Variants in C5 observed in about 807,000 individuals in gnomAD.
C5 encodes the protein C3 and PZP-like alpha-2-macroglobulin domain-containing protein 4.
C5 carries 140 observed loss-of-function variants against 218.8 expected under a neutral mutation model. That is an observed-to-expected ratio of 0.64 (90% CI 0.56 to 0.74). The LOEUF (loss-of-function observed/expected upper bound fraction) is 0.74, where lower values mean the gene tolerates loss of function less well. C5 is among the 30% of genes least tolerant of loss of function. The pLI, the probability that C5 is intolerant of heterozygous loss-of-function variation, is 0.00. For missense variants in C5, 1,700 were observed against 1,969.6 expected, an observed-to-expected ratio of 0.86 and a Z score of 2.59; for synonymous variants, 614 against 682.3, an observed-to-expected ratio of 0.90 and a Z score of 1.56.
chr9:121,044,231 T>C (rs1278848042), intron 2 of C5, among the ~76,000 whole-genome samples: 2 of 152,120 alleles, frequency 1.3e-5, no homozygotes, highest in Non-Finnish European at 2.9e-5. Flanking sequence ...TCCCAGCACT[T>C]TGGGAGGCCG....
In C5 at chr9:120,961,579, A is replaced by T; in HGVS notation, c.4505-14T>A. The T allele has an allele frequency of 2.6e-6, 4 of 1,538,176 alleles. No homozygotes were observed. The highest frequency in any genetic ancestry group is 3.6e-6 in the Non-Finnish European group (4 of 1,110,964). On this transcript the variant is annotated splice_polypyrimidine_tract_variant and intron_variant, in intron 36 of 40. Coordinates refer to ENST00000223642, the MANE Select transcript of C5 (RefSeq NM_001735.3). ...TACACTGTTTATCTGTGGCAACAAAAGTGTGGTTAAGAGAAGTGGTTTGAT... is the reference window on the plus strand; with the variant it reads ...TACACTGTTTATCTGTGGCAACAAATGTGTGGTTAAGAGAAGTGGTTTGAT...
chr9:120,960,368 G>A (rs367758619), intron 37 of C5, 31 bp from the exon 38 acceptor site: 41 of 1,471,852 alleles, frequency 2.8e-5, no homozygotes, highest in South Asian at 1.2e-4. Flanking sequence ...TAAAAATAAG[G>A]TTAATGGAAA....
chr9:121,050,066 C>A lies in C5; in HGVS notation c.65+116G>T, dbSNP rs369225344. 6 of 854,764 alleles carry A rather than the reference C, an allele frequency of 7.0e-6. No individual in the cohort carries two copies. The East Asian group carries it at 7.3e-5, about 10-fold the overall frequency. 52.9% of individuals were successfully genotyped at this position (854,764 alleles called of 1,614,324 possible). On this transcript the variant is annotated intron_variant, in intron 1 of 40. Coordinates refer to ENST00000223642, the MANE Select transcript of C5 (RefSeq NM_001735.3). ...TCTCATTCAGAGATGATACTATTCA[C>A]TTGCTGTTCTCAGAAGTAGCAAGTT...
At chr9:121,048,575 T>C (rs747926876) in intron 1 of C5, among the ~76,000 whole-genome samples, 1 of 152,246 alleles carries the variant, frequency 6.6e-6, no homozygotes. Context: ...GCCAAAATGG[T>C]TGGGGACTGC....
intron 10 of C5, among the ~76,000 whole-genome samples, chr9:121,022,283 T>C (rs1286081997): frequency 7.3e-6 from 1 of 136,718 alleles, no homozygotes; most frequent in Non-Finnish European, 1.6e-5. Context: ...TCCTTTAACA[T>C]CTACCTCTCA....
chr9:121,023,387 C>A lies in C5; in HGVS notation c.1116+17G>T. ...GATGATCATATGTAGCAACGTCTAC[C>A]CCCTCACCCAATCTACCTTGATGGG... On this transcript the variant is annotated intron_variant, in intron 10 of 40. Transcript: ENST00000223642. The A allele has an allele frequency of 7.1e-7, 1 of 1,410,324 alleles. No individual in the cohort carries two copies. Among genetic ancestry groups the A allele is most frequent in the Non-Finnish European group, 1.0e-6 (1 of 994,224 alleles). 87.4% of individuals were successfully genotyped at this position (1,410,324 alleles called of 1,614,324 possible).
chr9:121,033,183 A>G (rs1290931247), intron 5 of C5, among the ~76,000 whole-genome samples: 2 of 152,220 alleles, frequency 1.3e-5, no homozygotes, highest in East Asian at 3.8e-4. Flanking sequence ...CATCAATTCA[A>G]TGAATATTTA....
intron 11 of C5, 114 bp from the exon 12 acceptor site, chr9:121,020,293 ATGC>A: frequency 1.1e-6 from 1 of 879,320 alleles, no homozygotes; most frequent in African/African-American, 1.7e-5. Flanking sequence ...ACAATAACAA[ATGC>A]TAAAGGGGAA....
At position 120,982,800 on chromosome 9, in the gene C5, G is replaced by A. The variant is rs1437366179; in HGVS notation, c.3245C>T (p.Ala1082Val). 6.3e-7 allele frequency: 1 copy of A among 1,584,320 alleles called. No homozygotes were observed. The highest frequency in any genetic ancestry group is 1.3e-5 in the African/African-American group (1 of 74,354). Residue 1082 changes from alanine to valine, a missense_variant, in exon 26 of 41, where the codon GCT becomes GTT. By Grantham distance (64) the Ala-to-Val change is moderately conservative. Transcript: ENST00000223642. ...GSASTWLTAF[A>V]LRVLGQVNKY... Reference sequence around the variant, plus strand: ...ATTTACTTGTCCAAGTACTCTTAAAGCAAAAGCTGTTAACCTTTAAGACAA... The same window carrying A: ...ATTTACTTGTCCAAGTACTCTTAAAACAAAAGCTGTTAACCTTTAAGACAA...
At chr9:121,053,144 G>A (rs530404535), upstream of C5, among the ~76,000 whole-genome samples, 2 of 152,286 alleles carry the variant, frequency 1.3e-5, no homozygotes, top group African/African-American at 4.8e-5. Context: ...AGAGGCCAGT[G>A]GAGAAACAGA....
chr9:121,058,034 C>T, the C5 span, among the ~76,000 whole-genome samples: 59 of 152,166 alleles, frequency 3.9e-4, no homozygotes, highest in Non-Finnish European at 6.2e-4. Context: ...ATGTTAATCA[C>T]GTCTCAATAA....
intron 3 of C5, among the ~76,000 whole-genome samples, chr9:121,041,522 C>G (rs1369776643): frequency 6.6e-6 from 1 of 151,872 alleles, no homozygotes; most frequent in Non-Finnish European, 1.5e-5. Context: ...CCAGGCTGGT[C>G]TTAAACTCCT....
At chr9:120,994,602 AT>A (rs1266517258) in intron 22 of C5, among the ~76,000 whole-genome samples, 46 of 149,182 alleles carry the variant, frequency 3.1e-4, no homozygotes, top group African/African-American at 7.6e-4. Context: ...CAAAAAAAAA[AT>A]AATAAATATT....
intron 14 of C5, 25 bp from the exon 15 acceptor site, chr9:121,016,408 G>A (rs1438329140): frequency 1.9e-6 from 3 of 1,613,422 alleles, no homozygotes; most frequent in Non-Finnish European, 2.5e-6. Context: ...AAAATGTTGA[G>A]CACATTGAGA....
intron 29 of C5, among the ~76,000 whole-genome samples, chr9:120,975,545 G>C (rs2131688846): frequency 6.6e-6 from 1 of 152,220 alleles, no homozygotes; most frequent in South Asian, 2.1e-4. Flanking sequence ...AGGTGTTTGG[G>C]TCATGGGGCG....
chr9:121,023,997 A>G (rs72758182), intron 9 of C5, among the ~76,000 whole-genome samples: 34,404 of 150,278 alleles, frequency 0.23, 4,737 homozygotes, highest in African/African-American at 0.39. Context: ...GAACCCTGAA[A>G]GGGAGTTCGA....
intron 16 of C5, among the ~76,000 whole-genome samples, 175 bp downstream of exon 16, chr9:121,015,024 A>G (rs553481160): frequency 7.9e-5 from 12 of 152,312 alleles, no homozygotes; most frequent in African/African-American, 2.9e-4. Context: ...TGGCAAATGA[A>G]CTACTAGACT....
At position 120,981,925 on chromosome 9, in the gene C5, A is replaced by G. The variant is rs571587641; in HGVS notation, c.3405T>C (p.Val1135=). The G allele has an allele frequency of 1.5e-5, 24 of 1,613,596 alleles. No individual in the cohort carries two copies. The African/African-American group carries it at 3.2e-4, about 22-fold the overall frequency. ...QPIKLQGTLP[V]EARENSLYLT... ...GATATAAGCTGTTCTCTCGGGCTTC[A>G]ACAGGCAAGGTACCCTAAAAAGAAG... The change falls in exon 27 of 41, where the codon GTT becomes GTC. Residue 1135 remains valine (V), a synonymous_variant. Coordinates refer to ENST00000223642, the MANE Select transcript of C5 (RefSeq NM_001735.3).
At chr9:121,056,011 C>G in the C5 span, among the ~76,000 whole-genome samples, 1 of 152,230 alleles carries the variant, frequency 6.6e-6, no homozygotes, top group African/African-American at 2.4e-5. Context: ...ACCTAAGAGT[C>G]TGTAAGAGTT....
Sources: allele counts gnomAD v4.1 joint callset (sites outside exome capture counted in the v4.1 genomes callset), GRCh38; gene constraint gnomAD v4.1.1; transcripts MANE v1.5; gene names NCBI Gene and HGNC (gene_info 2026-07-23, HGNC 2026-07-21).